Variants in PDS5A observed in about 807,000 individuals in gnomAD.
PDS5A encodes sister chromatid cohesion protein PDS5 homolog A.
Under a neutral mutation model 167.1 loss-of-function variants are expected in PDS5A, and 42 were observed. That is an observed-to-expected ratio of 0.25 (90% CI 0.20 to 0.33). The LOEUF is 0.33. PDS5A is among the 10% of genes least tolerant of loss of function. The pLI is 1.00. For synonymous variants in PDS5A, 553 were observed against 554.6 expected (o/e 1.00, Z 0.04); for missense variants, 1,033 against 1,605.9 (o/e 0.64, Z 6.10).
chr4:39,867,296 T>A (rs1719545177), intron 22 of PDS5A, among the ~76,000 whole-genome samples: 1 of 152,130 alleles, frequency 6.6e-6, no homozygotes, highest in African/African-American at 2.4e-5. Flanking sequence ...TTATCATAGA[T>A]AACTTGCTTA....
At chr4:39,973,970 C>CA in intron 2 of PDS5A, 1 of 501,638 alleles carries the variant, frequency 2.0e-6, no homozygotes, top group South Asian at 2.0e-5. Context: ...TAAAAAAATA[C>CA]AAAAAATTAG....
intron 3 of PDS5A, among the ~76,000 whole-genome samples, chr4:39,927,226 A>G (rs899890137): frequency 3.9e-5 from 6 of 152,154 alleles, no homozygotes; most frequent in African/African-American, 1.4e-4. Context: ...GAGTATTTCC[A>G]TTACTATTAC....
chr4:39,955,625 A>T (rs1728852623), intron 2 of PDS5A, among the ~76,000 whole-genome samples: 1 of 151,632 alleles, frequency 6.6e-6, no homozygotes. Flanking sequence ...AAAACAAACA[A>T]ATGTACCACT....
At chr4:39,850,437 C>T (rs1341557194) in intron 26 of PDS5A, among the ~76,000 whole-genome samples, 1 of 152,050 alleles carries the variant, frequency 6.6e-6, no homozygotes, top group Admixed American at 6.6e-5. Flanking sequence ...AATCACACCA[C>T]TGCACTCCAG....
chr4:39,848,120 G>A (rs1293428333), intron 28 of PDS5A: 1 of 152,170 alleles, frequency 6.6e-6, no homozygotes, highest in Non-Finnish European at 1.5e-5. Context: ...TTTCTCTGTG[G>A]AAAAATTGTC....
At position 39,867,017 on chromosome 4, in the gene PDS5A, TA is replaced by T. The variant is rs35531172; in HGVS notation, c.2506-21del. Reference sequence around the variant, plus strand: ...CTGTACCTATAAAATATTAACATGCTAAAAAAAGAAAGCAACTTAAAATTCC... The same window carrying T: ...CTGTACCTATAAAATATTAACATGCTAAAAAAGAAAGCAACTTAAAATTCC... On this transcript the variant is annotated intron_variant, in intron 22 of 32. Coordinates refer to ENST00000303538, the MANE Select transcript of PDS5A (RefSeq NM_001100399.2). 9 of 1,557,392 alleles carry T rather than the reference TA, an allele frequency of 5.8e-6. No homozygotes were observed. The highest frequency in any genetic ancestry group is 1.2e-5 in the South Asian group (1 of 83,328).
intron 28 of PDS5A, chr4:39,846,855 G>C (rs1468552803): frequency 6.6e-6 from 1 of 152,164 alleles, no homozygotes; most frequent in Non-Finnish European, 1.5e-5. Context: ...TCACAGTTTT[G>C]TCATGTGTGC....
At chr4:39,941,467 C>T (rs944123602) in intron 2 of PDS5A, among the ~76,000 whole-genome samples, 4 of 152,164 alleles carry the variant, frequency 2.6e-5, no homozygotes, top group African/African-American at 9.7e-5. Flanking sequence ...AACCTATTTG[C>T]CAATACGTGC....
At chr4:39,833,204 AAAAAAAAAAAAAG>A in intron 32 of PDS5A, among the ~76,000 whole-genome samples, 1 of 147,860 alleles carries the variant, frequency 6.8e-6, no homozygotes, top group African/African-American at 2.4e-5. Context: ...AAAAAAAAAA[AAAAAAAAAAAAAG>A]AAAAAAGTTT....
chr4:39,824,322 T>C lies in PDS5A; in HGVS notation c.*1163A>G, dbSNP rs1378364816. On this transcript the variant is annotated 3_prime_UTR_variant, in exon 33 of 33. Transcript: ENST00000303538. The stretch of plus-strand genomic sequence containing the variant: ...AAAGATTAAAAAGACTGCCATGACA[T>C]CTAGAAGCATTTATTTTATGCAAAA... 1.3e-5 allele frequency: 2 copies of C among 152,194 alleles called. No individual in the cohort carries two copies. Among genetic ancestry groups the C allele is most frequent in the African/African-American group, 2.4e-5 (1 of 41,454 alleles). The allele number at this position is 152,194 out of a possible 1,614,324, so 9.4% of individuals were successfully genotyped here.
At chr4:39,898,743 A>G in intron 15 of PDS5A, 34 bp downstream of exon 15, 1 of 1,357,902 alleles carries the variant, frequency 7.4e-7, no homozygotes, top group African/African-American at 1.4e-5. Context: ...ATTTACGTTT[A>G]CTACATGTTT....
chr4:39,929,606 CGT>C (rs58333282), intron 2 of PDS5A, among the ~76,000 whole-genome samples: 16,590 of 130,556 alleles, frequency 0.13, 1,105 homozygotes, highest in East Asian at 0.23. Flanking sequence ...CCTATTGGGG[CGT>C]GTGTGTGTGT....
intron 17 of PDS5A, among the ~76,000 whole-genome samples, chr4:39,884,510 G>C (rs1036383613): frequency 1.3e-5 from 2 of 152,146 alleles, no homozygotes; most frequent in Admixed American, 1.3e-4. Context: ...TGAATCCATG[G>C]CATTCTGGCT....
intron 26 of PDS5A, 146 bp downstream of exon 26, chr4:39,862,073 A>G (rs1719047489): frequency 2.6e-6 from 1 of 379,910 alleles, no homozygotes; most frequent in African/African-American, 2.1e-5. Context: ...TGAAAGACGA[A>G]ACTGGAAATT....
chr4:39,897,916 A>T, intron 16 of PDS5A: 1 of 432,528 alleles, frequency 2.3e-6, no homozygotes, highest in Non-Finnish European at 3.1e-6. Flanking sequence ...TTCCCTCCTG[A>T]TAGCTTTAAG....
In PDS5A at chr4:39,926,759, GTTTT is replaced by G; in HGVS notation, c.429+12_429+15del. 2.9e-6 allele frequency: 3 copies of G among 1,049,970 alleles called. No homozygotes were observed. In the South Asian group the frequency reaches 6.2e-5, roughly 22 times the overall value. 65.0% of individuals were successfully genotyped at this position (1,049,970 alleles called of 1,614,324 possible). A position where few individuals can be genotyped will look rare whatever the true frequency, so the allele number is the denominator to read the frequency against. ...TGAAATAATGTTAATAGTTATTAAA[GTTTT>G]TTTTTTTTTACCTCTAATAAATAAA... On this transcript the variant is annotated intron_variant, in intron 4 of 32. Transcript: ENST00000303538.
intron 2 of PDS5A, among the ~76,000 whole-genome samples, chr4:39,949,832 A>AAAAAAAAG (rs1728174835): frequency 6.6e-6 from 1 of 151,014 alleles, no homozygotes; most frequent in East Asian, 1.9e-4. Context: ...AAAAAAAAAA[A>AAAAAAAAG]AAAGAAAAAC....
chr4:39,973,456 G>A, intron 2 of PDS5A: 8 of 1,355,586 alleles, frequency 5.9e-6, no homozygotes, highest in African/African-American at 1.4e-5. Flanking sequence ...CAGATACCAG[G>A]GTGTTAATAT....
intron 32 of PDS5A, among the ~76,000 whole-genome samples, chr4:39,827,532 A>G (rs1275924504): frequency 6.6e-6 from 1 of 152,200 alleles, no homozygotes; most frequent in Non-Finnish European, 1.5e-5. Flanking sequence ...AAAAATTCAT[A>G]TTGAACTAAT....
Sources: gnomAD v4.1 joint callset for allele counts (sites outside exome capture counted in the v4.1 genomes callset) on GRCh38, gnomAD v4.1.1 for gene constraint, MANE v1.5 for transcripts, NCBI Gene and HGNC (gene_info 2026-07-23, HGNC 2026-07-21) for gene names.